TBC1D5: variants seen among roughly 807,000 people sequenced by gnomAD.
TBC1D5 encodes TBC1 domain family, member 5.
Under a neutral mutation model 100.3 loss-of-function variants are expected in TBC1D5, and 75 were observed. That is an observed-to-expected ratio of 0.75 (90% confidence interval 0.62 to 0.91). The LOEUF is 0.91. Ranked by LOEUF, TBC1D5 falls within the 40% of genes least tolerant of loss-of-function variation. The probability of loss-of-function intolerance (pLI) is 0.00; values close to 1 mark genes in which losing one functional copy is unlikely to be tolerated. For missense variants in TBC1D5, 910 were observed against 942.4 expected (o/e 0.97, Z 0.45); for synonymous variants, 323 against 325.6 (o/e 0.99, Z 0.09).
At chr3:17,352,241 A>G (rs1221277387) in intron 13 of TBC1D5, among the ~76,000 whole-genome samples, 1 of 152,084 alleles carries the variant, frequency 6.6e-6, no homozygotes, top group Non-Finnish European at 1.5e-5. Flanking sequence ...TCGGGGCATT[A>G]TTCTGACAGT....
chr3:17,538,966 G>A (rs61284353), intron 2 of TBC1D5, among the ~76,000 whole-genome samples: 10,489 of 152,148 alleles, frequency 0.069, 710 homozygotes, highest in African/African-American at 0.18. Context: ...TGGAACACTC[G>A]AGATCATAAG....
chr3:17,418,429 G>A (rs1256961974), intron 4 of TBC1D5, among the ~76,000 whole-genome samples: 1 of 151,936 alleles, frequency 6.6e-6, no homozygotes. Context: ...CCAACATGGT[G>A]AAACCCCCAC....
chr3:17,443,084 T>C (rs1025916533), intron 3 of TBC1D5, among the ~76,000 whole-genome samples: 1 of 152,008 alleles, frequency 6.6e-6, no homozygotes, highest in African/African-American at 2.4e-5. Flanking sequence ...ACCAGAAAAA[T>C]ATGATCAATT....
chr3:17,232,008 C>G (rs555067588), intron 17 of TBC1D5, among the ~76,000 whole-genome samples: 16 of 152,056 alleles, frequency 1.1e-4, no homozygotes, highest in Non-Finnish European at 1.8e-4. Context: ...GTAAGGAAAG[C>G]CAAGGGACCA....
intron 13 of TBC1D5, among the ~76,000 whole-genome samples, chr3:17,317,238 G>A (rs2084805788): frequency 6.6e-6 from 1 of 152,094 alleles, no homozygotes; most frequent in South Asian, 2.1e-4. Context: ...AACGGTTTTT[G>A]GATTATCCAC....
chr3:17,418,052 T>A (rs556288743), intron 4 of TBC1D5, among the ~76,000 whole-genome samples: 3 of 152,296 alleles, frequency 2.0e-5, no homozygotes, highest in Non-Finnish European at 4.4e-5. Flanking sequence ...ACTACTTCTA[T>A]GTCTCTCTCA....
intron 1 of TBC1D5, among the ~76,000 whole-genome samples, chr3:17,738,401 A>ACACT (rs1553940138): frequency 1.3e-5 from 2 of 149,392 alleles, no homozygotes. Context: ...ACACACACAC[A>ACACT]CTCTCTCTCT....
At chr3:17,558,339 C>T (rs527538164) in intron 2 of TBC1D5, among the ~76,000 whole-genome samples, 8 of 152,054 alleles carry the variant, frequency 5.3e-5, no homozygotes, top group African/African-American at 1.9e-4. Context: ...CCTTAAATTA[C>T]AATTTAATAG....
intron 13 of TBC1D5, among the ~76,000 whole-genome samples, chr3:17,363,037 A>C (rs1384853553): frequency 6.6e-6 from 1 of 152,190 alleles, no homozygotes; most frequent in African/African-American, 2.4e-5. Flanking sequence ...CTTTTCAAAG[A>C]AACAACTCAT....
At chr3:17,159,480 G>A (rs1339100508) in exon 22 of TBC1D5, 2 of 152,288 alleles carry the variant, frequency 1.3e-5, no homozygotes, top group Non-Finnish European at 2.9e-5. Context: ...CAGGCTCAAA[G>A]AGCTAGTCAT....
intron 1 of TBC1D5, among the ~76,000 whole-genome samples, chr3:17,732,605 A>G (rs1447013279): frequency 6.7e-6 from 1 of 148,170 alleles, no homozygotes; most frequent in Non-Finnish European, 1.5e-5. Flanking sequence ...CAGGCCTGGT[A>G]GCATTCGCCT....
chr3:17,630,583 C>T (rs2063405886), intron 1 of TBC1D5, among the ~76,000 whole-genome samples: 1 of 152,204 alleles, frequency 6.6e-6, no homozygotes, highest in Non-Finnish European at 1.5e-5. Context: ...CTCCCCTTCT[C>T]TCCTCAGGCC....
intron 10 of TBC1D5, 136 bp downstream of exon 10, chr3:17,376,389 C>A: frequency 1.4e-6 from 1 of 731,724 alleles, no homozygotes; most frequent in Non-Finnish European, 2.2e-6. Context: ...CAATTAACCA[C>A]ATGAAACACA....
At chr3:17,452,847 C>T (rs1372642437) in intron 3 of TBC1D5, among the ~76,000 whole-genome samples, 1 of 152,014 alleles carries the variant, frequency 6.6e-6, no homozygotes, top group East Asian at 1.9e-4. Flanking sequence ...TTTCATCCAA[C>T]AGGTTCAGAA....
At chr3:17,178,133 T>G (rs956190538) in intron 19 of TBC1D5, among the ~76,000 whole-genome samples, 9 of 150,542 alleles carry the variant, frequency 6.0e-5, no homozygotes, top group Non-Finnish European at 1.0e-4. Flanking sequence ...TGGCGCGATC[T>G]CGGCTCACTG....
intron 13 of TBC1D5, among the ~76,000 whole-genome samples, chr3:17,334,120 T>C (rs751817864): frequency 1.4e-4 from 22 of 151,990 alleles, no homozygotes; most frequent in African/African-American, 3.1e-4. Context: ...GAGAGTAGCA[T>C]GCTTAAAATG....
At chr3:17,624,760 A>T (rs1322501497) in intron 1 of TBC1D5, among the ~76,000 whole-genome samples, 1 of 152,138 alleles carries the variant, frequency 6.6e-6, no homozygotes, top group Non-Finnish European at 1.5e-5. Flanking sequence ...TCAACAACTG[A>T]AGAACATGTT....
intron 3 of TBC1D5, among the ~76,000 whole-genome samples, chr3:17,499,557 T>C (rs2095758485): frequency 6.7e-6 from 1 of 148,352 alleles, no homozygotes. Context: ...TTGCCGGGTG[T>C]GGTGACGCAT....
At chr3:17,508,245 G>C (rs1041872851) in intron 3 of TBC1D5, among the ~76,000 whole-genome samples, 2 of 152,130 alleles carry the variant, frequency 1.3e-5, no homozygotes, top group Non-Finnish European at 2.9e-5. Context: ...TTTAAAGAAC[G>C]ACAGTGCGTT....
Sources: gnomAD v4.1 joint callset for allele counts (sites outside exome capture counted in the v4.1 genomes callset) on GRCh38, gnomAD v4.1.1 for gene constraint, MANE v1.5 for transcripts, NCBI Gene and HGNC (gene_info 2026-07-23, HGNC 2026-07-21) for gene names.